Variants in DRC9 observed in about 807,000 individuals in gnomAD.
The protein encoded by DRC9 is dynein regulatory complex subunit 9, also known as dynein regulatory complex protein 9.
the DRC9 span, chr3:197,956,937 CTT>C: frequency 6.6e-6 from 1 of 152,188 alleles, no homozygotes; most frequent in African/African-American, 2.4e-5. Context: ...AAATTAACAT[CTT>C]TAAATTGCAC....
chr3:197,956,783 C>T, the DRC9 span: 3 of 152,106 alleles, frequency 2.0e-5, no homozygotes, highest in African/African-American at 4.8e-5. Flanking sequence ...GCATGTGCAG[C>T]CACAACCAGT....
the DRC9 span, among the ~76,000 whole-genome samples, chr3:197,911,768 T>C: frequency 6.6e-6 from 1 of 151,880 alleles, no homozygotes; most frequent in African/African-American, 2.4e-5. Flanking sequence ...GCCTTCTGAG[T>C]AGCTGGGATT....
the DRC9 span, chr3:197,960,163 C>G: frequency 6.9e-7 from 1 of 1,443,784 alleles, no homozygotes; most frequent in Non-Finnish European, 9.4e-7. Context: ...CTGGGCCCTC[C>G]GTCTACCCCC....
the DRC9 span, chr3:197,953,993 T>C: frequency 3.1e-6 from 5 of 1,612,142 alleles, no homozygotes; most frequent in Non-Finnish European, 4.2e-6. Flanking sequence ...CTTTCCCTTT[T>C]TAAAATCAGC....
At chr3:197,919,352 C>T in the DRC9 span, among the ~76,000 whole-genome samples, 1 of 152,182 alleles carries the variant, frequency 6.6e-6, no homozygotes, top group South Asian at 2.1e-4. Flanking sequence ...AGTGCTATTC[C>T]GTGTCCTCTT....
At chr3:197,943,412 T>C in the DRC9 span, among the ~76,000 whole-genome samples, 18 of 152,264 alleles carry the variant, frequency 1.2e-4, no homozygotes, top group Non-Finnish European at 2.2e-4. Flanking sequence ...ATAAAGGTGC[T>C]ATTTCCCACG....
the DRC9 span, among the ~76,000 whole-genome samples, chr3:197,893,186 C>T: frequency 9.9e-5 from 15 of 151,612 alleles, no homozygotes; most frequent in African/African-American, 4.8e-5. Flanking sequence ...GGAGAAGCCC[C>T]GTCTCTACTA....
the DRC9 span, among the ~76,000 whole-genome samples, chr3:197,900,993 C>T: frequency 1.3e-5 from 2 of 152,068 alleles, 1 homozygote; most frequent in African/African-American, 4.8e-5. This position sits in a 1 kb window ranked among gnomAD's most constrained non-coding sequence, Gnocchi z 4.7. Flanking sequence ...GTGCTGCCTT[C>T]GAAGACATGG....
the DRC9 span, among the ~76,000 whole-genome samples, chr3:197,934,480 C>T: frequency 4.6e-5 from 7 of 152,070 alleles, no homozygotes; most frequent in East Asian, 9.6e-4. Flanking sequence ...CCACGGCGCC[C>T]GGCCAAACGT....
the DRC9 span, chr3:197,889,788 T>A: frequency 6.5e-7 from 1 of 1,548,576 alleles, no homozygotes; most frequent in Non-Finnish European, 8.9e-7. Flanking sequence ...ATAAAGGGAC[T>A]GTTGAATAAA....
chr3:197,923,220 G>A, the DRC9 span, among the ~76,000 whole-genome samples: 2 of 152,124 alleles, frequency 1.3e-5, no homozygotes, highest in African/African-American at 2.4e-5. Flanking sequence ...CTAGGCTCAC[G>A]CAGTCCTCCT....
the DRC9 span, among the ~76,000 whole-genome samples, chr3:197,892,264 G>C: frequency 9.1e-4 from 138 of 152,290 alleles, no homozygotes; most frequent in African/African-American, 3.3e-3. Flanking sequence ...AAGCTTGTTA[G>C]AAATCATCAC....
the DRC9 span, among the ~76,000 whole-genome samples, chr3:197,946,066 T>C: frequency 6.6e-6 from 1 of 152,218 alleles, no homozygotes; most frequent in Non-Finnish European, 1.5e-5. Context: ...GGTCACTCAA[T>C]TCATCTTCTC....
At chr3:197,905,058 G>A in the DRC9 span, among the ~76,000 whole-genome samples, 4 of 152,178 alleles carry the variant, frequency 2.6e-5, no homozygotes, top group Admixed American at 6.5e-5. Context: ...GAGGTCGAGA[G>A]TAGAAGGGTG....
chr3:197,958,309 G>A, the DRC9 span: 2 of 152,136 alleles, frequency 1.3e-5, no homozygotes, highest in African/African-American at 2.4e-5. Context: ...TAAAGTACTG[G>A]GATTACAGAT....
At chr3:197,923,904 G>A in the DRC9 span, among the ~76,000 whole-genome samples, 4 of 149,284 alleles carry the variant, frequency 2.7e-5, no homozygotes, top group South Asian at 2.1e-4. Context: ...CCACCTCTAC[G>A]AACAATTAAA....
the DRC9 span, among the ~76,000 whole-genome samples, chr3:197,946,303 C>T: frequency 1.3e-5 from 2 of 151,774 alleles, no homozygotes; most frequent in East Asian, 1.9e-4. Context: ...GGCGTGGTGG[C>T]GGGTGCCTGT....
the DRC9 span, among the ~76,000 whole-genome samples, chr3:197,890,818 T>G: frequency 6.6e-6 from 1 of 152,312 alleles, no homozygotes; most frequent in Non-Finnish European, 1.5e-5. Flanking sequence ...GGTATAAAAC[T>G]TAACTATTTT....
the DRC9 span, among the ~76,000 whole-genome samples, chr3:197,946,525 A>G: frequency 6.6e-6 from 1 of 152,088 alleles, no homozygotes; most frequent in East Asian, 1.9e-4. Flanking sequence ...TCAGTAAACC[A>G]AAATCCTTTC....
Sources: allele counts gnomAD v4.1 joint callset (sites outside exome capture counted in the v4.1 genomes callset), GRCh38; gene constraint gnomAD v4.1.1; non-coding constraint Gnocchi (gnomAD v3.1); transcripts MANE v1.5; gene names NCBI Gene and HGNC (gene_info 2026-07-23, HGNC 2026-07-21).